The following RUVBL1 variants were observed in gnomAD, a reference collection of about 807,000 sequenced individuals.
The protein encoded by RUVBL1 is ruvB-like 1.
Under a neutral mutation model 52.4 loss-of-function variants are expected in RUVBL1, and 4 were observed. The observed-to-expected ratio is 0.08, with a 90% confidence interval of 0.04 to 0.17. The LOEUF (loss-of-function observed/expected upper bound fraction) is 0.17. Among genes scored for constraint, RUVBL1 ranks in the 10% least tolerant of loss-of-function variants. The pLI is 1.00. For missense variants in RUVBL1, 298 were observed against 572.8 expected, an observed-to-expected ratio of 0.52 and a Z score of 4.90; for synonymous variants, 217 against 214.4, an observed-to-expected ratio of 1.01 and a Z score of -0.10.
At chr3:128,089,909 C>CAAA (rs57182193) in intron 8 of RUVBL1, among the ~76,000 whole-genome samples, 8 of 59,348 alleles carry the variant, frequency 1.3e-4, no homozygotes, top group African/African-American at 2.7e-4. Context: ...GACCCTATCT[C>CAAA]AAAAAAAAAA....
At chr3:128,098,811 C>T (rs1943048379) in intron 7 of RUVBL1, 71 bp downstream of exon 7, 2 of 1,295,016 alleles carry the variant, frequency 1.5e-6, no homozygotes, top group Non-Finnish European at 2.2e-6. Context: ...GCTCACAGAG[C>T]CGCAAGAGCA....
intron 5 of RUVBL1, 50 bp from the exon 6 acceptor site, chr3:128,100,794 C>A (rs1307393443): frequency 6.2e-7 from 1 of 1,608,972 alleles, no homozygotes; most frequent in Non-Finnish European, 8.5e-7. Context: ...ACTGCCAAGT[C>A]CCCAAATGGC....
chr3:128,122,507 G>T (rs1226736707), intron 1 of RUVBL1, among the ~76,000 whole-genome samples: 1 of 152,218 alleles, frequency 6.6e-6, no homozygotes, highest in Non-Finnish European at 1.5e-5. Flanking sequence ...TTGGCACATG[G>T]AAAGCACTCA....
At position 128,114,791 on chromosome 3, in the gene RUVBL1, C is replaced by T. The variant is rs191968949; in HGVS notation, c.229-1771G>A. Among the ~76,000 whole-genome samples, 114 of 152,304 alleles carry T rather than the reference C, an allele frequency of 7.5e-4. 1 individual carries two copies. Among genetic ancestry groups the T allele is most frequent in the Admixed American group, 7.4e-3 (113 of 15,302 alleles). On this transcript the variant is annotated intron_variant, in intron 2 of 10. Coordinates refer to ENST00000322623, the MANE Select transcript of RUVBL1 (RefSeq NM_003707.3). ...AGGGCACAATGAGAGGAGCAGCACT[C>T]TAACAGCAGACTCCCCGTGGGGCCA...
intron 3 of RUVBL1, among the ~76,000 whole-genome samples, chr3:128,111,228 A>G (rs1404519295): frequency 6.6e-6 from 1 of 151,954 alleles, no homozygotes; most frequent in Non-Finnish European, 1.5e-5. Context: ...TCAAAAAAAA[A>G]AAAAAAAAGG....
At chr3:128,121,537 C>T (rs1351927075) in intron 1 of RUVBL1, among the ~76,000 whole-genome samples, 2 of 151,328 alleles carry the variant, frequency 1.3e-5, no homozygotes, top group African/African-American at 2.4e-5. Flanking sequence ...TGGTGAAACC[C>T]TGTCTCTACT....
At chr3:128,088,803 TA>T (rs1942736440) in intron 8 of RUVBL1, among the ~76,000 whole-genome samples, 1 of 152,178 alleles carries the variant, frequency 6.6e-6, no homozygotes, top group African/African-American at 2.4e-5. Flanking sequence ...AATATTTACT[TA>T]ACAATCCATT....
upstream of RUVBL1, among the ~76,000 whole-genome samples, chr3:128,124,919 T>G (rs1943758784): frequency 1.3e-5 from 2 of 150,908 alleles, no homozygotes; most frequent in African/African-American, 4.9e-5. Context: ...GGGAAGGACT[T>G]GCCCAGAGTG....
chr3:128,081,420 C>G lies in RUVBL1; in HGVS notation c.1212-11G>C. On this transcript the variant is annotated splice_polypyrimidine_tract_variant and intron_variant, in intron 10 of 10. Transcript: ENST00000322623. The surrounding 1 kb of genome is among the most constrained non-coding windows in gnomAD (Gnocchi z 4.8). ...AGCTGCACTGAGTACCTAGAGTGGA[C>G]AGGGGCCAGGGCTGGAGTGAAACTG... 1 of 1,609,376 alleles carries G rather than the reference C, an allele frequency of 6.2e-7. No homozygotes were observed. Among genetic ancestry groups the G allele is most frequent in the Non-Finnish European group, 8.5e-7 (1 of 1,176,314 alleles).
At chr3:128,089,282 G>A (rs1356074667) in intron 8 of RUVBL1, among the ~76,000 whole-genome samples, 2 of 152,232 alleles carry the variant, frequency 1.3e-5, no homozygotes, top group African/African-American at 4.8e-5. Flanking sequence ...CAGACCCTGA[G>A]GTGCCCTGCG....
chr3:128,110,089 T>C (rs922304078), intron 3 of RUVBL1, among the ~76,000 whole-genome samples: 1 of 152,198 alleles, frequency 6.6e-6, no homozygotes, highest in East Asian at 1.9e-4. Flanking sequence ...AGTGCTGGGA[T>C]TACAGGCATG....
At chr3:128,138,670 T>C (rs180718609) in intron 1 of RUVBL1, among the ~76,000 whole-genome samples, 1 of 151,864 alleles carries the variant, frequency 6.6e-6, no homozygotes, top group East Asian at 1.9e-4. Flanking sequence ...AAAATACCAA[T>C]CACATTTTTC....
At chr3:128,139,333 AAAC>A (rs1253284072) in intron 1 of RUVBL1, among the ~76,000 whole-genome samples, 1 of 152,226 alleles carries the variant, frequency 6.6e-6, no homozygotes, top group East Asian at 1.9e-4. Flanking sequence ...TAAGGAGCTC[AAAC>A]AACTCAATAG....
At chr3:128,102,457 T>A (rs972039267) in intron 4 of RUVBL1, among the ~76,000 whole-genome samples, 1 of 152,236 alleles carries the variant, frequency 6.6e-6, no homozygotes, top group African/African-American at 2.4e-5. Context: ...ATTCTATAGT[T>A]AAACACAAGT....
chr3:128,129,944 G>T (rs1251801908), intron 1 of RUVBL1, among the ~76,000 whole-genome samples: 1 of 152,138 alleles, frequency 6.6e-6, no homozygotes, highest in Non-Finnish European at 1.5e-5. Context: ...GATAGTGATG[G>T]TTGCACAACA....
chr3:128,073,179 AC>A (rs1409292169), intron 9 of RUVBL1, among the ~76,000 whole-genome samples: 1 of 152,066 alleles, frequency 6.6e-6, no homozygotes, highest in Non-Finnish European at 1.5e-5. Flanking sequence ...TCTGCTAGGG[AC>A]GTAGCTGGGG....
intron 4 of RUVBL1, among the ~76,000 whole-genome samples, chr3:128,103,589 G>C (rs1028275382): frequency 8.5e-5 from 13 of 152,314 alleles, no homozygotes; most frequent in Admixed American, 8.5e-4. Context: ...GCAGTTTATA[G>C]ATGAGAAAAC....
chr3:128,105,833 A>G (rs933413461), intron 3 of RUVBL1, among the ~76,000 whole-genome samples: 1 of 150,058 alleles, frequency 6.7e-6, no homozygotes, highest in African/African-American at 2.5e-5. Context: ...GTGTTGCTCT[A>G]CAATTTTCTT....
intron 3 of RUVBL1, among the ~76,000 whole-genome samples, chr3:128,108,967 T>C (rs942358261): frequency 2.0e-5 from 3 of 152,154 alleles, no homozygotes; most frequent in Non-Finnish European, 4.4e-5. Flanking sequence ...AAGGAACACA[T>C]AAAGTATGAT....
Sources: allele counts gnomAD v4.1 joint callset (sites outside exome capture counted in the v4.1 genomes callset), GRCh38; gene constraint gnomAD v4.1.1; non-coding constraint Gnocchi (gnomAD v3.1); transcripts MANE v1.5; gene names NCBI Gene and HGNC (gene_info 2026-07-23, HGNC 2026-07-21).